Variants in XIRP2 observed in about 807,000 individuals in gnomAD.
XIRP2 encodes the protein xin actin-binding repeat-containing protein 2.
In XIRP2, 236 loss-of-function variants were observed where a neutral mutation model predicts 277.0. The observed-to-expected ratio is 0.85, with a 90% CI of 0.77 to 0.95. The LOEUF (loss-of-function observed/expected upper bound fraction) is 0.95, where lower values mean the gene tolerates loss of function less well. Ranked by LOEUF, XIRP2 falls within the 40% of genes least tolerant of loss-of-function variation. XIRP2 has a pLI of 0.00. For missense variants in XIRP2, 4,640 were observed against 4,157.5 expected (o/e 1.12, Z -3.19); for synonymous variants, 1,490 against 1,416.5 (o/e 1.05, Z -1.17).
intron 2 of XIRP2, among the ~76,000 whole-genome samples, chr2:166,947,137 A>G (rs1033488494): frequency 6.6e-5 from 10 of 152,222 alleles, no homozygotes; most frequent in East Asian, 3.9e-4. Flanking sequence ...AAAGTAAAAT[A>G]TCAACTGCAA....
intron 3 of XIRP2, among the ~76,000 whole-genome samples, chr2:167,169,436 G>C (rs927669258): frequency 6.6e-6 from 1 of 152,164 alleles, no homozygotes; most frequent in African/African-American, 2.4e-5. Context: ...TCCAGCACTG[G>C]TTCTTGTAGA....
chr2:167,015,133 G>T (rs929024158), intron 2 of XIRP2, among the ~76,000 whole-genome samples: 4 of 151,512 alleles, frequency 2.6e-5, no homozygotes, highest in African/African-American at 9.7e-5. Flanking sequence ...CAGCCCACCT[G>T]GCATCACCAC....
intron 5 of XIRP2, among the ~76,000 whole-genome samples, chr2:167,225,461 G>A (rs1573972920): frequency 6.6e-6 from 1 of 152,126 alleles, no homozygotes; most frequent in African/African-American, 2.4e-5. Context: ...GAACAATGAA[G>A]GTCAGTATAT....
rs934722969 is a variant in XIRP2, at chr2:167,121,727, A to C, written c.409-14182A>C. Among the ~76,000 whole-genome samples the C allele has an allele frequency of 3.9e-5, 6 of 152,186 alleles. No individual in the cohort carries two copies. The East Asian group carries it at 7.7e-4, about 20-fold the overall frequency. On this transcript the variant is annotated intron_variant, in intron 2 of 10. Coordinates refer to ENST00000409195, the MANE Select transcript of XIRP2 (RefSeq NM_152381.6). Reference sequence around the variant, plus strand: ...ATTTTATTCTTGACTGAGAAGGGAAAGAAGGCAGTATTTCTGCTTTATATG... The same window carrying C: ...ATTTTATTCTTGACTGAGAAGGGAACGAAGGCAGTATTTCTGCTTTATATG...
intron 2 of XIRP2, among the ~76,000 whole-genome samples, chr2:166,995,281 C>G (rs889091019): frequency 1.3e-5 from 2 of 152,168 alleles, no homozygotes; most frequent in African/African-American, 2.4e-5. Flanking sequence ...TGGATATATG[C>G]TTTGTTGCGT....
At chr2:167,017,118 G>C in intron 2 of XIRP2, among the ~76,000 whole-genome samples, 1 of 151,902 alleles carries the variant, frequency 6.6e-6, no homozygotes, top group Non-Finnish European at 1.5e-5. Flanking sequence ...TCAGGGATTA[G>C]TTCCTCCATT....
chr2:166,954,117 G>T (rs1686103508), intron 2 of XIRP2, among the ~76,000 whole-genome samples: 1 of 151,800 alleles, frequency 6.6e-6, no homozygotes. Context: ...AGTAAGTAGT[G>T]AGGGACCACA....
intron 2 of XIRP2, among the ~76,000 whole-genome samples, chr2:166,956,933 A>C (rs1413332234): frequency 6.6e-6 from 1 of 151,858 alleles, no homozygotes; most frequent in East Asian, 1.9e-4. Flanking sequence ...TGTTAAGATA[A>C]GAAAGGTTAG....
At chr2:167,056,713 T>A (rs1362693807) in intron 2 of XIRP2, among the ~76,000 whole-genome samples, 1 of 152,184 alleles carries the variant, frequency 6.6e-6, no homozygotes, top group Non-Finnish European at 1.5e-5. Flanking sequence ...TTTATTTGTT[T>A]AGAATAGGAA....
chr2:167,203,270 T>C (rs912180820), intron 3 of XIRP2, among the ~76,000 whole-genome samples: 2 of 152,218 alleles, frequency 1.3e-5, no homozygotes, highest in Non-Finnish European at 2.9e-5. Flanking sequence ...CAACTGGATT[T>C]AAAGAATCTC....
rs66909002 is a variant in XIRP2, at chr2:166,979,369, C to CT, written c.408+75497dup. On this transcript the variant is annotated intron_variant, in intron 2 of 10. Coordinates refer to ENST00000409195, the MANE Select transcript of XIRP2 (RefSeq NM_152381.6). Reference sequence around the variant, plus strand: ...CTTTTCTTTTCTTTTCTTTTCTTTTCTTTTTTTTTTTTTTTTTTGCTTCAG... The same window carrying CT: ...CTTTTCTTTTCTTTTCTTTTCTTTTCTTTTTTTTTTTTTTTTTTTGCTTCAG... 6.4e-3 allele frequency among the ~76,000 whole-genome samples: 693 copies of CT among 108,500 alleles called. 6 individuals are homozygous for CT. Among genetic ancestry groups the CT allele is most frequent in the Non-Finnish European group, 8.2e-3 (430 of 52,350 alleles). 71.2% of individuals were successfully genotyped at this position (108,500 alleles called of 152,430 possible). A position where few individuals can be genotyped will look rare whatever the true frequency, so the allele number is the denominator to read the frequency against.
At chr2:167,196,830 G>A (rs761433913) in intron 3 of XIRP2, among the ~76,000 whole-genome samples, 2 of 152,068 alleles carry the variant, frequency 1.3e-5, no homozygotes, top group Non-Finnish European at 1.5e-5. Context: ...GCTGGGGGTG[G>A]GTTGGTTGTG....
intron 3 of XIRP2, among the ~76,000 whole-genome samples, chr2:167,210,019 C>T (rs1048510487): frequency 1.3e-5 from 2 of 151,934 alleles, no homozygotes. Flanking sequence ...TGCCTTTTTG[C>T]CAAGTAGATG....
intron 2 of XIRP2, among the ~76,000 whole-genome samples, chr2:167,009,380 C>T (rs113673796): frequency 1.9e-4 from 29 of 152,024 alleles, no homozygotes; most frequent in African/African-American, 6.8e-4. Flanking sequence ...CATGTCCCTA[C>T]AAAGGACATG....
chr2:167,192,625 G>A (rs1052540207), intron 3 of XIRP2, among the ~76,000 whole-genome samples: 1 of 152,168 alleles, frequency 6.6e-6, no homozygotes, highest in African/African-American at 2.4e-5. Flanking sequence ...AAATAAGCAT[G>A]TTCATGTTAT....
chr2:167,215,712 G>A (rs1462862408), intron 4 of XIRP2, among the ~76,000 whole-genome samples: 1 of 152,094 alleles, frequency 6.6e-6, no homozygotes, highest in Admixed American at 6.5e-5. Flanking sequence ...AAGTCTTCCA[G>A]TTGCAAGCAG....
intron 3 of XIRP2, among the ~76,000 whole-genome samples, chr2:167,189,060 A>G (rs1461111565): frequency 6.6e-6 from 1 of 152,186 alleles, no homozygotes. Context: ...TGTTGTTCAC[A>G]GTTGATAGCT....
rs1693705680 is a variant in XIRP2, at chr2:167,201,274, AAGGAAAGAAG to A, written c.563-9460_563-9451del. ...AGAAAGAAAGAAAGAGAGAGGGAGAAAGGAAAGAAGGAAGGAGGGAGGGAGGGAAGGAAGG... is the reference window on the plus strand; with the variant it reads ...AGAAAGAAAGAAAGAGAGAGGGAGAAGAAGGAGGGAGGGAGGGAAGGAAGG... On this transcript the variant is annotated intron_variant, in intron 3 of 10. Transcript: ENST00000409195. 2.7e-5 allele frequency among the ~76,000 whole-genome samples: 4 copies of A among 150,684 alleles called. No individual in the cohort carries two copies. The South Asian group carries it at 8.6e-4, about 32-fold the overall frequency.
chr2:167,215,499 C>T (rs1004303329), intron 4 of XIRP2, among the ~76,000 whole-genome samples: 13 of 152,210 alleles, frequency 8.5e-5, no homozygotes, highest in Admixed American at 1.3e-4. Context: ...AACCCAAACC[C>T]CAAGATAGGC....
Sources: allele counts gnomAD v4.1 joint callset (sites outside exome capture counted in the v4.1 genomes callset), GRCh38; gene constraint gnomAD v4.1.1; transcripts MANE v1.5; gene names NCBI Gene and HGNC (gene_info 2026-07-23, HGNC 2026-07-21).